BMPER: variants seen among roughly 807,000 people sequenced by gnomAD.
The protein encoded by BMPER is BMP-binding endothelial regulator protein.
BMPER carries 45 observed loss-of-function variants against 87.3 expected under a neutral mutation model. That is an observed-to-expected ratio of 0.52 (90% confidence interval 0.41 to 0.66). The LOEUF (loss-of-function observed/expected upper bound fraction) is 0.66. Among genes scored for constraint, BMPER ranks in the 30% least tolerant of loss-of-function variants. The pLI, the probability that BMPER is intolerant of heterozygous loss-of-function variation, is 0.00. For missense variants in BMPER, 784 were observed against 867.5 expected, an observed-to-expected ratio of 0.90 and a Z score of 1.21; for synonymous variants, 326 against 316.2, an observed-to-expected ratio of 1.03 and a Z score of -0.33.
chr7:34,103,918 G>A (rs916914004), intron 13 of BMPER, among the ~76,000 whole-genome samples: 9 of 152,222 alleles, frequency 5.9e-5, no homozygotes, highest in African/African-American at 2.2e-4. Context: ...GAAGCACTTA[G>A]TGACTCTCTT....
At chr7:33,923,199 C>T (rs1784278115) in intron 2 of BMPER, among the ~76,000 whole-genome samples, 1 of 152,192 alleles carries the variant, frequency 6.6e-6, no homozygotes, top group Non-Finnish European at 1.5e-5. Flanking sequence ...TGACTGTGGA[C>T]TCTGTTCTCT....
intron 12 of BMPER, among the ~76,000 whole-genome samples, chr7:34,084,076 A>G (rs56724740): frequency 0.08 from 12,071 of 151,038 alleles, 1,594 homozygotes; most frequent in African/African-American, 0.28. Context: ...AGCCAAGGCG[A>G]GTGGATTGCC....
chr7:33,912,143 C>A (rs1426211721), intron 2 of BMPER, among the ~76,000 whole-genome samples: 1 of 152,066 alleles, frequency 6.6e-6, no homozygotes, highest in South Asian at 2.1e-4. Context: ...CAAACAACAA[C>A]AAAAAACACA....
intron 6 of BMPER, among the ~76,000 whole-genome samples, chr7:33,993,312 G>T (rs1163451443): frequency 6.7e-6 from 1 of 150,276 alleles, no homozygotes; most frequent in East Asian, 1.9e-4. Context: ...AGGCTTTGCT[G>T]ATTTCTTTTT....
intron 3 of BMPER, among the ~76,000 whole-genome samples, chr7:33,952,536 A>G (rs1036490350): frequency 1.3e-5 from 2 of 152,168 alleles, no homozygotes; most frequent in Non-Finnish European, 2.9e-5. Flanking sequence ...GAATGATTTG[A>G]CACCGAAGCC....
chr7:34,058,213 C>A, intron 10 of BMPER, 50 bp downstream of exon 10: 2 of 1,528,418 alleles, frequency 1.3e-6, no homozygotes, highest in Non-Finnish European at 1.8e-6. Context: ...GAGAAATGTC[C>A]TGTGTGTGGC....
intron 2 of BMPER, among the ~76,000 whole-genome samples, chr7:33,931,163 G>A (rs1227143054): frequency 1.3e-5 from 2 of 152,224 alleles, no homozygotes; most frequent in East Asian, 3.8e-4. Context: ...GTTTGGCCCA[G>A]GTGGCCTGTC....
At chr7:34,099,261 G>A (rs760854566) in intron 13 of BMPER, among the ~76,000 whole-genome samples, 1 of 152,136 alleles carries the variant, frequency 6.6e-6, no homozygotes, top group African/African-American at 2.4e-5. Context: ...TGTTTGACCC[G>A]GGCAGCACTT....
rs755623181 is a variant in BMPER at position 34,046,259 on chromosome 7, A to G, written c.577-47A>G. ...TAGATATCTTGGTTGTACAATCTAC[A>G]TGCACTTACTTTTCTAAATATGCTT... On this transcript the variant is annotated intron_variant, in intron 6 of 14. Transcript: ENST00000649409. 1.2e-5 allele frequency: 18 copies of G among 1,558,258 alleles called. No individual in the cohort carries two copies. In the African/African-American group the frequency reaches 1.8e-4, roughly 15 times the overall value.
chr7:33,986,011 A>G (rs998276058), intron 6 of BMPER, among the ~76,000 whole-genome samples: 2 of 152,200 alleles, frequency 1.3e-5, no homozygotes, highest in Non-Finnish European at 2.9e-5. Flanking sequence ...GTGAGTCAGC[A>G]TTGTCAGTTC....
chr7:34,148,620 T>A (rs554702375), intron 14 of BMPER, among the ~76,000 whole-genome samples: 22 of 152,228 alleles, frequency 1.4e-4, no homozygotes, highest in Admixed American at 3.9e-4. Context: ...TTTTTTTTTC[T>A]CTAGTAGTTT....
intron 13 of BMPER, among the ~76,000 whole-genome samples, chr7:34,116,807 T>A (rs1480929191): frequency 1.3e-5 from 2 of 152,080 alleles, no homozygotes; most frequent in African/African-American, 4.8e-5. Context: ...CTGGCCAACA[T>A]GGCAAAATTC....
rs766353459 is a variant in BMPER, at chr7:34,153,341, G to A, written c.*68G>A. 1.1e-4 allele frequency: 164 copies of A among 1,553,168 alleles called. No homozygotes were observed. The highest frequency in any genetic ancestry group is 1.4e-4 in the Non-Finnish European group (162 of 1,127,080). On this transcript the variant is annotated 3_prime_UTR_variant, in exon 15 of 15. Coordinates refer to ENST00000649409, the MANE Select transcript of BMPER (RefSeq NM_001365308.1). ...ACACTGAAGCGGAAGAGCCAATGAA[G>A]GACTGCAGTATTTGTGTGCCCGATT...
At chr7:34,104,200 C>T (rs1041589335) in intron 13 of BMPER, among the ~76,000 whole-genome samples, 21 of 152,298 alleles carry the variant, frequency 1.4e-4, no homozygotes, top group Admixed American at 1.0e-3. Context: ...ATTGATGAGT[C>T]GTCCCCCCTT....
intron 6 of BMPER, among the ~76,000 whole-genome samples, chr7:33,983,285 ATTTG>A (rs1241480916): frequency 2.0e-5 from 3 of 152,082 alleles, no homozygotes; most frequent in African/African-American, 7.2e-5. Flanking sequence ...TCTTTATATA[ATTTG>A]TTTGTAGCTG....
At chr7:34,052,023 G>T in intron 8 of BMPER, 53 bp downstream of exon 8, 1 of 1,474,050 alleles carries the variant, frequency 6.8e-7, no homozygotes, top group South Asian at 1.1e-5. Flanking sequence ...TTGGGTTTCA[G>T]TGTTAACATC....
intron 6 of BMPER, among the ~76,000 whole-genome samples, chr7:33,975,320 G>A (rs765021226): frequency 6.6e-6 from 1 of 152,162 alleles, no homozygotes; most frequent in African/African-American, 2.4e-5. Flanking sequence ...GTCCTGAGGG[G>A]TGAGAACCTG....
intron 6 of BMPER, among the ~76,000 whole-genome samples, chr7:33,988,186 C>G (rs947588278): frequency 6.6e-6 from 1 of 152,004 alleles, no homozygotes; most frequent in African/African-American, 2.4e-5. Flanking sequence ...GCTGTGTTGA[C>G]TTTAGGGATC....
chr7:33,996,701 T>TTACTGTAAG (rs1408742799), intron 6 of BMPER, among the ~76,000 whole-genome samples: 4 of 152,222 alleles, frequency 2.6e-5, no homozygotes, highest in African/African-American at 9.7e-5. Context: ...GGTAGCTGCG[T>TTACTGTAAG]TACTGTAAGT....
Sources: gnomAD v4.1 joint callset for allele counts (sites outside exome capture counted in the v4.1 genomes callset) on GRCh38, gnomAD v4.1.1 for gene constraint, MANE v1.5 for transcripts, NCBI Gene and HGNC (gene_info 2026-07-23, HGNC 2026-07-21) for gene names.